The following GPR20 variants were observed in gnomAD, a reference collection of about 807,000 sequenced individuals.
GPR20 encodes the protein G protein-coupled receptor 20, also known as CTD-3064M3.3.
For synonymous variants in GPR20, 241 were observed against 241.9 expected (o/e 1.00, Z 0.04); for missense variants, 494 against 527.4 (o/e 0.94, Z 0.62).
At position 141,357,186 on chromosome 8, in the gene GPR20, C is replaced by T; in HGVS notation, c.738G>A (p.Val246=). Residue 246 remains valine (V), a synonymous_variant, in exon 2 of 2, where the codon GTG becomes GTA. Coordinates refer to ENST00000377741, the MANE Select transcript of GPR20 (RefSeq NM_005293.3). ...TGAAGCAGACGAGAAAGATGATGAGCACCGTGAGCAGGAGCTGCATGGCCC... is the reference window on the plus strand; with the variant it reads ...TGAAGCAGACGAGAAAGATGATGAGTACCGTGAGCAGGAGCTGCATGGCCC... The part of the protein sequence containing the change: ...RVRAMQLLLT[V]LIIFLVCFTP... 6.3e-7 allele frequency: 1 copy of T among 1,595,366 alleles called. No homozygotes were observed. Among genetic ancestry groups the T allele is most frequent in the Non-Finnish European group, 8.5e-7 (1 of 1,173,470 alleles).
Position 141,357,138 on chromosome 8 carries a change from C to A in GPR20, c.786G>T (p.Val262=), listed in dbSNP as rs374271116. 15 of 1,610,920 alleles carry A rather than the reference C, an allele frequency of 9.3e-6. No homozygotes were observed. In the Admixed American group the frequency reaches 1.0e-4, roughly 11 times the overall value. ...GCATGTCGGGCCACAGCGCCACGGC[C>A]ACTTGGCGGGCGTGGAAGGGCGTGA... ...VCFTPFHARQ[V]AVALWPDMPH... The change falls in exon 2 of 2, where the codon GTG becomes GTT. Residue 262 remains valine, a synonymous_variant. Coordinates refer to ENST00000377741, the MANE Select transcript of GPR20 (RefSeq NM_005293.3).
intron 1 of GPR20, among the ~76,000 whole-genome samples, chr8:141,359,197 C>T (rs933137425): frequency 1.3e-5 from 2 of 152,120 alleles, no homozygotes; most frequent in Non-Finnish European, 2.9e-5. Flanking sequence ...TACCCCTTCC[C>T]CTCCTGGTGG....
intron 1 of GPR20, among the ~76,000 whole-genome samples, chr8:141,359,705 G>A (rs1023913350): frequency 3.3e-5 from 5 of 152,232 alleles, no homozygotes; most frequent in Non-Finnish European, 5.9e-5. Flanking sequence ...CAGGCAGCCA[G>A]GGGAGGAGAG....
In GPR20 at chr8:141,357,651, G is replaced by A. The variant is rs2154616542; in HGVS notation, c.273C>T (p.Tyr91=). 2 of 1,613,998 alleles carry A rather than the reference G, an allele frequency of 1.2e-6. No homozygotes were observed. Among genetic ancestry groups the A allele is most frequent in the Middle Eastern group, 1.6e-4 (1 of 6,062 alleles). ...GATCGGTCACCACCAGGTTGATGGT[G>A]TAGATGACTGAGGGTGTCTTGGCCC... ...RTRAKTPSVI[Y]TINLVVTDLL... The change falls in exon 2 of 2, where the codon TAC becomes TAT. Residue 91 remains tyrosine, a synonymous_variant. Transcript: ENST00000377741.
At chr8:141,366,633 A>C (rs570938529) in intron 1 of GPR20, among the ~76,000 whole-genome samples, 1 of 152,142 alleles carries the variant, frequency 6.6e-6, no homozygotes, top group Non-Finnish European at 1.5e-5. Context: ...AGAGGGCCTG[A>C]GCTGTGGGAT....
chr8:141,357,234 G>A lies in GPR20; in HGVS notation c.690C>T (p.His230=), dbSNP rs1211564554. Residue 230 remains histidine, a synonymous_variant, in exon 2 of 2, where the codon CAC becomes CAT. Coordinates refer to ENST00000377741, the MANE Select transcript of GPR20 (RefSeq NM_005293.3). ...CCCGCACGCGGCGCTGGCGACCCTGGTGGAGCAGACCCGGCCGCGACAGTG... is the reference window on the plus strand; with the variant it reads ...CCCGCACGCGGCGCTGGCGACCCTGATGGAGCAGACCCGGCCGCGACAGTG... ...MCALSRPGLL[H]QGRQRRVRAM... 1 of 1,555,722 alleles carries A rather than the reference G, an allele frequency of 6.4e-7. No homozygotes were observed. Among genetic ancestry groups the A allele is most frequent in the South Asian group, 1.2e-5 (1 of 86,112 alleles).
At chr8:141,359,826 G>A (rs952664484) in intron 1 of GPR20, among the ~76,000 whole-genome samples, 1 of 152,210 alleles carries the variant, frequency 6.6e-6, no homozygotes, top group Non-Finnish European at 1.5e-5. Flanking sequence ...TGGATGAAAC[G>A]CTCTCAGAAA....
At chr8:141,360,269 T>C (rs1302210665) in intron 1 of GPR20, among the ~76,000 whole-genome samples, 2 of 152,294 alleles carry the variant, frequency 1.3e-5, no homozygotes, top group East Asian at 3.9e-4. Context: ...TGAACCCTCA[T>C]CTTGGTCACA....
chr8:141,358,966 C>T (rs1382185359), intron 1 of GPR20, among the ~76,000 whole-genome samples: 7 of 152,166 alleles, frequency 4.6e-5, no homozygotes, highest in African/African-American at 1.4e-4. Context: ...TATGTTCCTG[C>T]CCTGGCGTGT....
At chr8:141,360,725 G>C (rs998724405) in intron 1 of GPR20, among the ~76,000 whole-genome samples, 4 of 152,256 alleles carry the variant, frequency 2.6e-5, no homozygotes, top group Non-Finnish European at 4.4e-5. Context: ...GCCTGTGGGA[G>C]AGGCACAGAC....
intron 1 of GPR20, among the ~76,000 whole-genome samples, chr8:141,363,265 G>A (rs939303147): frequency 5.3e-5 from 8 of 152,270 alleles, no homozygotes; most frequent in African/African-American, 9.6e-5. Context: ...CATGGGAGGC[G>A]TGCGATATAA....
At chr8:141,366,161 C>T (rs1016575299) in intron 1 of GPR20, among the ~76,000 whole-genome samples, 3 of 152,252 alleles carry the variant, frequency 2.0e-5, no homozygotes, top group African/African-American at 7.2e-5. Context: ...ATGGCCCCCA[C>T]GCCCGGCTCT....
intron 1 of GPR20, among the ~76,000 whole-genome samples, chr8:141,359,397 G>C (rs1333540299): frequency 6.6e-6 from 1 of 152,216 alleles, no homozygotes; most frequent in Non-Finnish European, 1.5e-5. Flanking sequence ...AGTCAGAGAG[G>C]TCAGTGCCTG....
At chr8:141,366,110 C>T (rs778372126) in intron 1 of GPR20, among the ~76,000 whole-genome samples, 5 of 152,208 alleles carry the variant, frequency 3.3e-5, no homozygotes, top group Non-Finnish European at 7.4e-5. Flanking sequence ...ATGAAGCCAC[C>T]CCGTGGGCTC....
chr8:141,364,046 T>G (rs935219975), intron 1 of GPR20, among the ~76,000 whole-genome samples: 1 of 152,242 alleles, frequency 6.6e-6, no homozygotes, highest in Non-Finnish European at 1.5e-5. Flanking sequence ...AGTGGTGTCC[T>G]CACGGTTACC....
chr8:141,363,138 C>A (rs1339601852), intron 1 of GPR20, among the ~76,000 whole-genome samples: 1 of 152,246 alleles, frequency 6.6e-6, no homozygotes, highest in Non-Finnish European at 1.5e-5. Context: ...CAAATCATTT[C>A]ATCACTGGGA....
chr8:141,361,250 T>C (rs1469191664), intron 1 of GPR20, among the ~76,000 whole-genome samples: 7 of 152,156 alleles, frequency 4.6e-5, no homozygotes, highest in Non-Finnish European at 8.8e-5. Context: ...AGGTACTTCC[T>C]TGGGGACAGA....
chr8:141,359,023 C>T (rs111835940), intron 1 of GPR20, among the ~76,000 whole-genome samples: 1,854 of 152,296 alleles, frequency 0.012, 19 homozygotes, highest in Non-Finnish European at 0.018. Context: ...GAAGGGTTAA[C>T]GGCCCTACCC....
intron 1 of GPR20, among the ~76,000 whole-genome samples, chr8:141,366,394 G>T (rs915269405): frequency 1.1e-4 from 16 of 152,172 alleles, no homozygotes; most frequent in Non-Finnish European, 7.4e-5. Flanking sequence ...GTCCTGCGAG[G>T]TCGCCAGCTG....
Sources: allele counts gnomAD v4.1 joint callset (sites outside exome capture counted in the v4.1 genomes callset), GRCh38; gene constraint gnomAD v4.1.1; transcripts MANE v1.5; gene names NCBI Gene and HGNC (gene_info 2026-07-23, HGNC 2026-07-21).